MRPL15: variants seen among roughly 807,000 people sequenced by gnomAD.
MRPL15 encodes large ribosomal subunit protein uL15m.
Under a neutral mutation model 28.0 loss-of-function variants are expected in MRPL15, and 24 were observed. That is an observed-to-expected ratio of 0.86 (90% CI 0.62 to 1.21). The LOEUF is 1.21. MRPL15 is among the 50% of genes most tolerant of loss of function. The probability of loss-of-function intolerance (pLI) is 0.00; values close to 1 mark genes in which losing one functional copy is unlikely to be tolerated. For synonymous variants in MRPL15, 124 were observed against 137.0 expected, an observed-to-expected ratio of 0.90 and a Z score of 0.66; for missense variants, 343 against 372.4, an observed-to-expected ratio of 0.92 and a Z score of 0.65.
At chr8:54,138,253 G>A (rs1246023844) in intron 3 of MRPL15, among the ~76,000 whole-genome samples, 2 of 139,454 alleles carry the variant, frequency 1.4e-5, no homozygotes, top group African/African-American at 2.7e-5. Context: ...CGCCCACGGC[G>A]CCCCCTTCTT....
chr8:54,135,336 G>T lies in MRPL15; in HGVS notation c.53G>T (p.Gly18Val), dbSNP rs185602304. ...GGARALDLLRGLPRVSLANLK... is the reference protein window; with the variant it reads ...GGARALDLLRVLPRVSLANLK... ...GCCCGGGCCCTGGACCTACTCCGGG[G>T]CCTGCCGCGTGTGAGCCTGGCCAAC... Residue 18 changes from glycine (G) to valine (V), a missense_variant, in exon 1 of 5, where the codon GGC becomes GTC. Physicochemically the swap from Gly to Val is moderately radical, Grantham distance 109. Coordinates refer to ENST00000260102, the MANE Select transcript of MRPL15 (RefSeq NM_014175.4). 3.1e-4 allele frequency: 464 copies of T among 1,500,342 alleles called. 1 individual carries two copies. The Middle Eastern group carries it at 3.1e-3, about 10-fold the overall frequency. The allele number at this position is 1,500,342 out of a possible 1,614,324, so 92.9% of individuals were successfully genotyped here. A position where few individuals can be genotyped will look rare whatever the true frequency, so the allele number is the denominator to read the frequency against.
intron 3 of MRPL15, among the ~76,000 whole-genome samples, chr8:54,140,941 A>G (rs1337278141): frequency 1.3e-5 from 2 of 148,912 alleles, no homozygotes; most frequent in African/African-American, 4.9e-5. Flanking sequence ...TTTTTTTTTC[A>G]GCTTAGAGGC....
chr8:54,138,511 G>T (rs1810868019), intron 3 of MRPL15, among the ~76,000 whole-genome samples: 1 of 151,082 alleles, frequency 6.6e-6, no homozygotes, highest in Non-Finnish European at 1.5e-5. Flanking sequence ...TAGAGGTGGG[G>T]TTTTGCTATG....
At position 54,140,574 on chromosome 8, in the gene MRPL15, C is replaced by CTTTTTTTTTTTTTTT. The variant is rs71551976; in HGVS notation, c.430-2086_430-2072dup. On this transcript the variant is annotated intron_variant, in intron 3 of 4. Coordinates refer to ENST00000260102, the MANE Select transcript of MRPL15 (RefSeq NM_014175.4). ...CCGGCCTAGAACTACATTTTCTTTT[C>CTTTTTTTTTTTTTTT]TTTTTTTTTTTTTTTTTGAGATGGA... Among the ~76,000 whole-genome samples the CTTTTTTTTTTTTTTT allele has an allele frequency of 5.4e-4, 54 of 99,600 alleles. 8 individuals are homozygous for CTTTTTTTTTTTTTTT. The highest frequency in any genetic ancestry group is 4.8e-3 in the East Asian group (9 of 1,858). 65.3% of individuals were successfully genotyped at this position (99,600 alleles called of 152,430 possible). A position where few individuals can be genotyped will look rare whatever the true frequency, so the allele number is the denominator to read the frequency against.
chr8:54,140,599 A>C lies in MRPL15; in HGVS notation c.430-2064A>C, dbSNP rs914747256. On this transcript the variant is annotated intron_variant, in intron 3 of 4. Transcript: ENST00000260102. Reference sequence around the variant, plus strand: ...CTTTTTTTTTTTTTTTTTGAGATGGAGTCTCGCTCTGTCACCCAGGCTGGA... The same window carrying C: ...CTTTTTTTTTTTTTTTTTGAGATGGCGTCTCGCTCTGTCACCCAGGCTGGA... 1.3e-4 allele frequency among the ~76,000 whole-genome samples: 9 copies of C among 71,184 alleles called. No homozygotes were observed. The South Asian group carries it at 8.1e-3, about 64-fold the overall frequency. 46.7% of individuals were successfully genotyped at this position (71,184 alleles called of 152,430 possible). A position where few individuals can be genotyped will look rare whatever the true frequency, so the allele number is the denominator to read the frequency against.
rs745342015 is a variant in MRPL15, at chr8:54,135,341, C to T, written c.58C>T (p.Pro20Ser). 2.0e-6 allele frequency: 3 copies of T among 1,506,498 alleles called. No homozygotes were observed. The highest frequency in any genetic ancestry group is 1.2e-5 in the South Asian group (1 of 80,396). 93.3% of individuals were successfully genotyped at this position (1,506,498 alleles called of 1,614,324 possible). A position where few individuals can be genotyped will look rare whatever the true frequency, so the allele number is the denominator to read the frequency against. The change falls in exon 1 of 5, where the codon CCG (proline) becomes TCG (serine). Residue 20 changes from proline to serine, a missense_variant. Pro to Ser is a moderately conservative substitution (Grantham distance 74, BLOSUM62 -1). Coordinates refer to ENST00000260102, the MANE Select transcript of MRPL15 (RefSeq NM_014175.4). ...ARALDLLRGL[P>S]RVSLANLKPN... ...GGCCCTGGACCTACTCCGGGGCCTG[C>T]CGCGTGTGAGCCTGGCCAACTTAAA...
At chr8:54,144,150 C>T (rs931441555) in intron 4 of MRPL15, among the ~76,000 whole-genome samples, 1 of 152,224 alleles carries the variant, frequency 6.6e-6, no homozygotes, top group Non-Finnish European at 1.5e-5. Context: ...CCTTTTGCTA[C>T]CTGCTGTATC....
chr8:54,135,335 G>A lies in MRPL15; in HGVS notation c.52G>A (p.Gly18Ser). 1 of 1,499,462 alleles carries A rather than the reference G, an allele frequency of 6.7e-7. No homozygotes were observed. The highest frequency in any genetic ancestry group is 8.9e-7 in the Non-Finnish European group (1 of 1,120,750). The allele number at this position is 1,499,462 out of a possible 1,614,324, so 92.9% of individuals were successfully genotyped here. A position where few individuals can be genotyped will look rare whatever the true frequency, so the allele number is the denominator to read the frequency against. Residue 18 changes from glycine to serine, a missense_variant, in exon 1 of 5, where the codon GGC becomes AGC. Physicochemically the swap from Gly to Ser is moderately conservative, Grantham distance 56. Transcript: ENST00000260102. ...GGCCCGGGCCCTGGACCTACTCCGG[G>A]GCCTGCCGCGTGTGAGCCTGGCCAA... ...GGARALDLLRGLPRVSLANLK... is the reference protein window; with the variant it reads ...GGARALDLLRSLPRVSLANLK...
Position 54,136,636 on chromosome 8 carries a change from C to T in MRPL15, c.234C>T (p.Ile78=), listed in dbSNP as rs901142433. 7.4e-6 allele frequency: 12 copies of T among 1,614,102 alleles called. No individual in the cohort carries two copies. Among genetic ancestry groups the T allele is most frequent in the Non-Finnish European group, 1.0e-5 (12 of 1,179,980 alleles). Reference sequence around the variant, plus strand: ...GCCAGACTCCATTTTACATCCGAATCCCAAAATACGGGTTTAACGAAGGAC... The same window carrying T: ...GCCAGACTCCATTTTACATCCGAATTCCAAAATACGGGTTTAACGAAGGAC... The part of the protein sequence containing the change: ...EGGQTPFYIR[I]PKYGFNEGHS... The change falls in exon 2 of 5, where the codon ATC becomes ATT. Residue 78 remains isoleucine, a synonymous_variant. Coordinates refer to ENST00000260102, the MANE Select transcript of MRPL15 (RefSeq NM_014175.4).
At chr8:54,146,031 G>A (rs11993959) in intron 4 of MRPL15, among the ~76,000 whole-genome samples, 50,566 of 152,082 alleles carry the variant, frequency 0.33, 10,985 homozygotes, top group East Asian at 0.72. Flanking sequence ...ACTGCTAGGT[G>A]ATGCAATATA....
rs781349094 is a variant in MRPL15 at position 54,135,289 on chromosome 8, C to A, written c.6C>A (p.Ala2=). 7.3e-7 allele frequency: 1 copy of A among 1,379,128 alleles called. No individual in the cohort carries two copies. Among genetic ancestry groups the A allele is most frequent in the Non-Finnish European group, 9.5e-7 (1 of 1,058,114 alleles). The allele number at this position is 1,379,128 out of a possible 1,614,324, so 85.4% of individuals were successfully genotyped here. Residue 2 remains alanine, a synonymous_variant, in exon 1 of 5, where the codon GCC becomes GCA. Coordinates refer to ENST00000260102, the MANE Select transcript of MRPL15 (RefSeq NM_014175.4). Reference sequence around the variant, plus strand: ...AGTTCTTGGATCTGCGGGTTATGGCCGGTCCCTTGCAGGGCGGTGGGGCCC... The same window carrying A: ...AGTTCTTGGATCTGCGGGTTATGGCAGGTCCCTTGCAGGGCGGTGGGGCCC... M[A]GPLQGGGARA...
chr8:54,147,288 T>C, intron 4 of MRPL15, 94 bp from the exon 5 acceptor site: 1 of 915,800 alleles, frequency 1.1e-6, no homozygotes, highest in Non-Finnish European at 1.6e-6. Flanking sequence ...ATCTCTATGG[T>C]ACAGAGTTAC....
chr8:54,140,574 C>CTTTTTTTTTTTTTTTTTTTT lies in MRPL15; in HGVS notation c.430-2072_430-2071insTTTTTTTTTTTTTTTTTTTT, dbSNP rs71551976. Among the ~76,000 whole-genome samples the CTTTTTTTTTTTTTTTTTTTT allele has an allele frequency of 4.0e-5, 4 of 99,610 alleles. 1 individual carries two copies. Among genetic ancestry groups the CTTTTTTTTTTTTTTTTTTTT allele is most frequent in the East Asian group, 1.1e-3 (2 of 1,858 alleles). The allele number at this position is 99,610 out of a possible 152,430, so 65.3% of individuals were successfully genotyped here. On this transcript the variant is annotated intron_variant, in intron 3 of 4. Transcript: ENST00000260102. ...CCGGCCTAGAACTACATTTTCTTTT[C>CTTTTTTTTTTTTTTTTTTTT]TTTTTTTTTTTTTTTTTGAGATGGA...
intron 4 of MRPL15, among the ~76,000 whole-genome samples, chr8:54,144,978 A>G (rs566806481): frequency 5.3e-4 from 81 of 152,246 alleles, no homozygotes; most frequent in African/African-American, 1.9e-3. Context: ...GATTGTTACC[A>G]CAGAATGTGG....
chr8:54,136,110 A>G (rs1427575779), intron 1 of MRPL15, among the ~76,000 whole-genome samples: 1 of 152,236 alleles, frequency 6.6e-6, no homozygotes, highest in East Asian at 1.9e-4. Flanking sequence ...TTTCTTCAAC[A>G]GATCAGTTTT....
intron 4 of MRPL15, among the ~76,000 whole-genome samples, chr8:54,146,849 A>G (rs1359909546): frequency 1.3e-5 from 2 of 152,200 alleles, no homozygotes; most frequent in Non-Finnish European, 2.9e-5. Context: ...ATGTTTGAAA[A>G]CAGAACTGGG....
intron 1 of MRPL15, among the ~76,000 whole-genome samples, chr8:54,136,070 C>G (rs947682485): frequency 1.3e-5 from 2 of 152,070 alleles, no homozygotes; most frequent in Non-Finnish European, 2.9e-5. Context: ...TCATTGCTTT[C>G]GTGAAATGAC....
intron 1 of MRPL15, 86 bp downstream of exon 1, chr8:54,135,477 C>T: frequency 8.8e-7 from 1 of 1,131,996 alleles, no homozygotes; most frequent in Admixed American, 2.6e-5. Context: ...GGAGAACTGC[C>T]CTTTCTAGGA....
intron 3 of MRPL15, among the ~76,000 whole-genome samples, chr8:54,139,647 G>C (rs1047215581): frequency 1.3e-5 from 2 of 152,086 alleles, no homozygotes; most frequent in Admixed American, 6.5e-5. Flanking sequence ...CCAGGGCACT[G>C]GTCAAGTAAT....
Sources: gnomAD v4.1 joint callset for allele counts (sites outside exome capture counted in the v4.1 genomes callset) on GRCh38, gnomAD v4.1.1 for gene constraint, MANE v1.5 for transcripts, NCBI Gene and HGNC (gene_info 2026-07-23, HGNC 2026-07-21) for gene names.